Variants in PLCE1 observed in about 807,000 individuals in gnomAD.
The protein encoded by PLCE1 is 1-phosphatidylinositol 4,5-bisphosphate phosphodiesterase epsilon-1.
A neutral mutation model predicts 242.8 loss-of-function variants in PLCE1; 119 were observed. That is an observed-to-expected ratio of 0.49 (90% CI 0.42 to 0.57). PLCE1 has a LOEUF of 0.57. Among genes scored for constraint, PLCE1 ranks in the 20% least tolerant of loss-of-function variants. The pLI, the probability that PLCE1 is intolerant of heterozygous loss-of-function variation, is 0.00. For missense variants in PLCE1, 2,441 were observed against 2,788.8 expected (o/e 0.88, Z 2.81); for synonymous variants, 945 against 1,017.4 (o/e 0.93, Z 1.35).
At chr10:94,226,238 G>A (rs2860749) in intron 4 of PLCE1, among the ~76,000 whole-genome samples, 95,851 of 152,132 alleles carry the variant, frequency 0.63, 30,538 homozygotes, top group East Asian at 0.92. Context: ...CAGGAAAAAC[G>A]AATCACATTA....
chr10:94,097,086 A>G (rs1408817618), intron 2 of PLCE1, among the ~76,000 whole-genome samples: 5 of 152,214 alleles, frequency 3.3e-5, no homozygotes, highest in Non-Finnish European at 7.3e-5. Context: ...TGATGATGAA[A>G]CTGAGGACCA....
At chr10:94,068,460 A>G (rs1355445498) in intron 2 of PLCE1, among the ~76,000 whole-genome samples, 1 of 152,220 alleles carries the variant, frequency 6.6e-6, no homozygotes, top group Non-Finnish European at 1.5e-5. Flanking sequence ...TTTGCATTGT[A>G]TTGGATATTA....
intron 2 of PLCE1, among the ~76,000 whole-genome samples, chr10:94,112,499 A>G (rs1432494460): frequency 6.6e-6 from 1 of 152,250 alleles, no homozygotes; most frequent in Admixed American, 6.5e-5. Context: ...GCTGTGTATC[A>G]TGCTGGGCAT....
At chr10:94,008,524 G>A (rs890948842) in intron 1 of PLCE1, among the ~76,000 whole-genome samples, 8 of 152,102 alleles carry the variant, frequency 5.3e-5, no homozygotes, top group Non-Finnish European at 1.0e-4. Flanking sequence ...GGCCAGGCTG[G>A]TCTCGAACTC....
At chr10:94,148,118 A>G (rs947292363) in intron 3 of PLCE1, among the ~76,000 whole-genome samples, 1 of 152,206 alleles carries the variant, frequency 6.6e-6, no homozygotes, top group African/African-American at 2.4e-5. Flanking sequence ...TCTTACCTGT[A>G]AAATAGGACA....
chr10:94,178,349 A>C (rs1226584166), intron 4 of PLCE1, among the ~76,000 whole-genome samples: 1 of 152,194 alleles, frequency 6.6e-6, no homozygotes. Context: ...TGAGACCCCC[A>C]GTTCTATTGA....
intron 7 of PLCE1, among the ~76,000 whole-genome samples, chr10:94,237,732 G>C (rs1266601599): frequency 2.0e-5 from 3 of 152,208 alleles, no homozygotes; most frequent in African/African-American, 7.2e-5. Flanking sequence ...TGGTGGGGCT[G>C]TTTAATAGAA....
At chr10:94,232,519 T>C (rs1459980598) in intron 5 of PLCE1, among the ~76,000 whole-genome samples, 1 of 152,194 alleles carries the variant, frequency 6.6e-6, no homozygotes, top group South Asian at 2.1e-4. Flanking sequence ...AGTTGTAATC[T>C]GGCCTTGGTG....
At chr10:94,133,552 G>A (rs2046673657) in intron 3 of PLCE1, among the ~76,000 whole-genome samples, 1 of 152,126 alleles carries the variant, frequency 6.6e-6, no homozygotes, top group South Asian at 2.1e-4. Flanking sequence ...GAGACCCAAG[G>A]CCAGCAGGCC....
intron 4 of PLCE1, among the ~76,000 whole-genome samples, chr10:94,173,878 A>G (rs1270533392): frequency 1.3e-5 from 2 of 152,252 alleles, no homozygotes; most frequent in Non-Finnish European, 2.9e-5. Flanking sequence ...TCAGTCTTAC[A>G]TAGTCAGATC....
In PLCE1 at chr10:94,262,883, G is replaced by A. The variant is rs61886336; in HGVS notation, c.4053+151G>A. The A allele has an allele frequency of 4.2e-6, 3 of 711,736 alleles. No homozygotes were observed. In the Admixed American group the frequency reaches 6.2e-5, roughly 15 times the overall value. 44.1% of individuals were successfully genotyped at this position (711,736 alleles called of 1,614,324 possible). On this transcript the variant is annotated intron_variant, in intron 14 of 32. Transcript: ENST00000371380. ...TTTGTTTTTTTTTTTGTTTTTTTGG[G>A]TGTTTTTGAGACAGAGTCTTACTCT...
intron 7 of PLCE1, among the ~76,000 whole-genome samples, chr10:94,242,605 ATGGCCCAG>A (rs2050547590): frequency 3.3e-5 from 5 of 152,138 alleles, no homozygotes; most frequent in African/African-American, 1.2e-4. Flanking sequence ...GCCACTGCGC[ATGGCCCAG>A]ATCTTGGTTT....
At chr10:94,198,645 G>C (rs993150731) in intron 4 of PLCE1, among the ~76,000 whole-genome samples, 1 of 152,126 alleles carries the variant, frequency 6.6e-6, no homozygotes, top group African/African-American at 2.4e-5. Flanking sequence ...AAACCTCTGG[G>C]ATCTGATTTC....
chr10:94,083,049 A>T (rs2044699069), intron 2 of PLCE1, among the ~76,000 whole-genome samples: 1 of 152,176 alleles, frequency 6.6e-6, no homozygotes, highest in South Asian at 2.1e-4. Context: ...ATTCTCTATG[A>T]TTATTTCTTT....
chr10:94,071,495 G>GTTTTTTTTTTTTTTTGTTGTTGTT (rs2044353719), intron 2 of PLCE1, among the ~76,000 whole-genome samples: 1 of 83,314 alleles, frequency 1.2e-5, no homozygotes, highest in Non-Finnish European at 2.1e-5. Flanking sequence ...TTTGGTTTTC[G>GTTTTTTTTTTTTTTTGTTGTTGTT]TTTTTTTTTT....
At chr10:94,289,448 T>C (rs2052571860) in intron 22 of PLCE1, among the ~76,000 whole-genome samples, 1 of 152,198 alleles carries the variant, frequency 6.6e-6, no homozygotes, top group Non-Finnish European at 1.5e-5. Context: ...GGGAGAGACA[T>C]TCTGAGAATG....
chr10:94,316,554 C>A lies in PLCE1; in HGVS notation c.6140C>A (p.Thr2047Lys). The A allele has an allele frequency of 6.2e-7, 1 of 1,604,334 alleles. No homozygotes were observed. The highest frequency in any genetic ancestry group is 8.5e-7 in the Non-Finnish European group (1 of 1,173,032). The change falls in exon 29 of 33, where the codon ACA (threonine) becomes AAA (lysine). Residue 2047 changes from threonine (T) to lysine (K), a missense_variant. Thr to Lys is a moderately conservative substitution (Grantham distance 78, BLOSUM62 -1). Coordinates refer to ENST00000371380, the MANE Select transcript of PLCE1 (RefSeq NM_016341.4). ...CCTTCACTTTTTCTTTAGATTCTGA[C>A]AAATGAACAAGACATCAAACCTGTT... is the stretch of plus-strand genomic sequence containing the variant. ...KAKQLLQQIL[T>K]NEQDIKPVTT...
At chr10:94,208,119 C>T (rs769848247) in intron 4 of PLCE1, among the ~76,000 whole-genome samples, 17 of 152,100 alleles carry the variant, frequency 1.1e-4, no homozygotes, top group Non-Finnish European at 2.5e-4. Context: ...TAGAATAGTG[C>T]CTCACAAATA....
intron 2 of PLCE1, among the ~76,000 whole-genome samples, chr10:94,052,884 A>T (rs1365286922): frequency 2.0e-5 from 3 of 152,154 alleles, no homozygotes; most frequent in Middle Eastern, 3.2e-3. Flanking sequence ...TTATTTCATT[A>T]TCCTCTGACT....
Sources: allele counts gnomAD v4.1 joint callset (sites outside exome capture counted in the v4.1 genomes callset), GRCh38; gene constraint gnomAD v4.1.1; transcripts MANE v1.5; gene names NCBI Gene and HGNC (gene_info 2026-07-23, HGNC 2026-07-21).